Variants in STAT5B observed in about 807,000 individuals in gnomAD.
The protein encoded by STAT5B is transcription factor STAT5B.
In STAT5B, 21 loss-of-function variants were observed where a neutral mutation model predicts 107.8. That is an observed-to-expected ratio of 0.19 (90% confidence interval 0.14 to 0.28). The LOEUF (loss-of-function observed/expected upper bound fraction) is 0.28. STAT5B is among the 10% of genes least tolerant of loss of function. The pLI, the probability that STAT5B is intolerant of heterozygous loss-of-function variation, is 1.00. For missense variants in STAT5B, 565 were observed against 1,008.2 expected, an observed-to-expected ratio of 0.56 and a Z score of 5.95; for synonymous variants, 325 against 401.7, an observed-to-expected ratio of 0.81 and a Z score of 2.28.
intron 1 of STAT5B, 73 bp from the exon 2 acceptor site, chr17:42,232,210 C>A: frequency 6.8e-7 from 1 of 1,478,200 alleles, no homozygotes; most frequent in South Asian, 1.4e-5. Context: ...AGTAAATATT[C>A]ACTTAGTTAC....
rs775782900 is a variant in STAT5B at position 42,218,890 on chromosome 17, C to T, written c.834-12G>A. 1.2e-6 allele frequency: 2 copies of T among 1,613,680 alleles called. No homozygotes were observed. The highest frequency in any genetic ancestry group is 1.7e-5 in the Admixed American group (1 of 59,994). ...CCAACTTCTCACACCTGCACGAGAG[C>T]CCCAAGGCCAACAGGAGGACAATGG... On this transcript the variant is annotated splice_polypyrimidine_tract_variant and intron_variant, in intron 7 of 18. Transcript: ENST00000293328.
chr17:42,259,515 G>A (rs753264902), intron 1 of STAT5B, among the ~76,000 whole-genome samples: 4 of 152,100 alleles, frequency 2.6e-5, no homozygotes, highest in Non-Finnish European at 5.9e-5. Flanking sequence ...TGCTGGGCGC[G>A]GTGGCTCACG....
At chr17:42,208,041 C>T (rs1406682624) in intron 15 of STAT5B, among the ~76,000 whole-genome samples, 3 of 152,082 alleles carry the variant, frequency 2.0e-5, no homozygotes, top group African/African-American at 7.2e-5. Flanking sequence ...ATTACAGGCA[C>T]GCGCCACCAC....
intron 1 of STAT5B, among the ~76,000 whole-genome samples, chr17:42,254,792 A>T (rs1376993867): frequency 1.3e-5 from 2 of 152,134 alleles, no homozygotes; most frequent in East Asian, 1.9e-4. Context: ...GAAAATTTTT[A>T]AAAATGGAAA....
chr17:42,240,569 T>C (rs2080393572), intron 1 of STAT5B, among the ~76,000 whole-genome samples: 1 of 152,094 alleles, frequency 6.6e-6, no homozygotes, highest in Admixed American at 6.6e-5. Context: ...TAGATAGTGG[T>C]GATAATTGTA....
At chr17:42,259,715 G>A (rs533089098) in intron 1 of STAT5B, among the ~76,000 whole-genome samples, 3 of 152,002 alleles carry the variant, frequency 2.0e-5, no homozygotes, top group South Asian at 2.1e-4. Flanking sequence ...TGAACCTGTC[G>A]GGGGGAGGCT....
intron 16 of STAT5B, among the ~76,000 whole-genome samples, chr17:42,205,785 T>C (rs1192193348): frequency 6.6e-6 from 1 of 152,138 alleles, no homozygotes; most frequent in African/African-American, 2.4e-5. Flanking sequence ...GGTGCATGCC[T>C]GTAGTCCCAA....
intron 6 of STAT5B, 29 bp from the exon 7 acceptor site, chr17:42,219,492 C>G (rs1354389312): frequency 7.7e-7 from 1 of 1,304,042 alleles, no homozygotes; most frequent in African/African-American, 1.5e-5. Context: ...GCAGCCCCTT[C>G]TGGGCTCCCA....
intron 1 of STAT5B, among the ~76,000 whole-genome samples, chr17:42,261,640 A>T (rs1055070297): frequency 6.6e-6 from 1 of 152,072 alleles, no homozygotes; most frequent in Admixed American, 6.6e-5. Context: ...AGCTCACTGT[A>T]ACCTCTGCCT....
intron 1 of STAT5B, among the ~76,000 whole-genome samples, chr17:42,255,279 G>A (rs2080533259): frequency 6.6e-6 from 1 of 152,176 alleles, no homozygotes. Context: ...CATGGAGAAA[G>A]ACTAATCTTT....
At chr17:42,214,259 G>A in intron 12 of STAT5B, 1 of 985,320 alleles carries the variant, frequency 1.0e-6, no homozygotes, top group Non-Finnish European at 1.2e-6. Context: ...TGGTGCAGGA[G>A]ATGCCAAAGG....
the STAT5B span, among the ~76,000 whole-genome samples, chr17:42,287,100 T>A: frequency 1.2e-3 from 186 of 152,248 alleles, 3 homozygotes; most frequent in East Asian, 0.023. Context: ...CTTAGAGTTT[T>A]CAATTCCTTT....
intron 1 of STAT5B, among the ~76,000 whole-genome samples, chr17:42,263,866 A>AGCGCACGC (rs1555553693): frequency 2.1e-5 from 2 of 93,162 alleles, no homozygotes; most frequent in African/African-American, 8.4e-5. Context: ...GATACTAGAA[A>AGCGCACGC]GCGCGCACAC....
intron 1 of STAT5B, chr17:42,270,922 A>C (rs1214788450): frequency 1.3e-5 from 2 of 152,268 alleles, no homozygotes; most frequent in East Asian, 3.8e-4. Flanking sequence ...ATGTCTGCCC[A>C]GCACACTGTC....
upstream of STAT5B, among the ~76,000 whole-genome samples, chr17:42,280,719 C>T (rs532297432): frequency 5.5e-4 from 83 of 152,258 alleles, no homozygotes; most frequent in Middle Eastern, 0.01. Context: ...CTCAGAATGG[C>T]GTGGCCTCGG....
At position 42,212,017 on chromosome 17, in the gene STAT5B, A is replaced by T; in HGVS notation, c.1647T>A (p.Ser549Arg). The T allele has an allele frequency of 6.2e-7, 1 of 1,613,796 alleles. No individual in the cohort carries two copies. The highest frequency in any genetic ancestry group is 8.5e-7 in the Non-Finnish European group (1 of 1,179,850). The change falls in exon 13 of 19, where the codon AGT (serine) becomes AGA (arginine). Residue 549 changes from serine (S) to arginine (R), a missense_variant. Transcript: ENST00000293328. ...NNSSSHLEDYSGLSVSWSQFN... is the reference protein window; with the variant it reads ...NNSSSHLEDYRGLSVSWSQFN... ...ACTGGGACCAGGACACAGACAGGCC[A>T]CTGTAGTCCTCCAGGTGGCTGCTGC...
At chr17:42,232,249 A>C (rs2080323446) in intron 1 of STAT5B, 112 bp from the exon 2 acceptor site, 1 of 1,088,474 alleles carries the variant, frequency 9.2e-7, no homozygotes, top group South Asian at 2.7e-5. Context: ...TTTATTATTT[A>C]TTTTTATTTT....
At chr17:42,247,735 C>G (rs144154475) in intron 1 of STAT5B, among the ~76,000 whole-genome samples, 7 of 152,024 alleles carry the variant, frequency 4.6e-5, no homozygotes, top group Admixed American at 4.6e-4. Context: ...ATCACCTGAG[C>G]TCAGGAGTTC....
rs1320640547 is a variant in STAT5B, at chr17:42,276,315, C to G, written c.-78G>C. On this transcript the variant is annotated 5_prime_UTR_variant, in exon 1 of 19. Transcript: ENST00000293328. The surrounding 1 kb of genome is among the most constrained non-coding windows in gnomAD (Gnocchi z 4.8). ...TGTCTGGCTTGCCCGCCCGCCCGCT[C>G]GCTCCCTCCCTCGGCCGGGCCGCCG... 1 of 147,196 alleles carries G rather than the reference C, an allele frequency of 6.8e-6. No homozygotes were observed. Among genetic ancestry groups the G allele is most frequent in the Non-Finnish European group, 1.5e-5 (1 of 66,122 alleles). The allele number at this position is 147,196 out of a possible 1,614,324, so 9.1% of individuals were successfully genotyped here. A position where few individuals can be genotyped will look rare whatever the true frequency, so the allele number is the denominator to read the frequency against.
Sources: gnomAD v4.1 joint callset for allele counts (sites outside exome capture counted in the v4.1 genomes callset) on GRCh38, gnomAD v4.1.1 for gene constraint, Gnocchi (gnomAD v3.1) non-coding constraint, MANE v1.5 for transcripts, NCBI Gene and HGNC (gene_info 2026-07-23, HGNC 2026-07-21) for gene names.